Variants in SAMD4A observed in about 807,000 individuals in gnomAD.
SAMD4A encodes the protein protein Smaug homolog 1.
SAMD4A carries 33 observed loss-of-function variants against 81.3 expected under a neutral mutation model. The ratio of observed to expected loss-of-function variants is 0.41; its 90% CI spans 0.31 to 0.54. The LOEUF (loss-of-function observed/expected upper bound fraction) is 0.54, where lower values mean the gene tolerates loss of function less well. SAMD4A is among the 20% of genes least tolerant of loss of function. The probability of loss-of-function intolerance (pLI) is 0.37; values close to 1 mark genes in which losing one functional copy is unlikely to be tolerated. For missense variants in SAMD4A, 854 were observed against 951.1 expected (o/e 0.90, Z 1.34); for synonymous variants, 389 against 382.1 (o/e 1.02, Z -0.21).
At position 54,789,895 on chromosome 14, in the gene SAMD4A, G is replaced by C. The variant is rs1372535733; in HGVS notation, c.*951G>C. On this transcript the variant is annotated 3_prime_UTR_variant, in exon 13 of 13. Transcript: ENST00000554335. ...GTGATCAGTTATGGGTTTGCTCGCA[G>C]GGCACCCAGAGATTCTCAAAGAATC... is the stretch of plus-strand genomic sequence containing the variant. 3.9e-5 allele frequency: 6 copies of C among 152,216 alleles called. No homozygotes were observed. The highest frequency in any genetic ancestry group is 7.2e-5 in the African/African-American group (3 of 41,450). The allele number at this position is 152,216 out of a possible 1,614,324, so 9.4% of individuals were successfully genotyped here.
rs1041126298 is a variant in SAMD4A, at chr14:54,793,271, A to T, written c.*4327A>T. 1.3e-5 allele frequency: 2 copies of T among 152,192 alleles called. No individual in the cohort carries two copies. Among genetic ancestry groups the T allele is most frequent in the African/African-American group, 4.8e-5 (2 of 41,452 alleles). 9.4% of individuals were successfully genotyped at this position (152,192 alleles called of 1,614,324 possible). ...TGGCTATATTTCATATCAACGTTAT[A>T]TTGAAAGTGAAGGGAAATGATTAAT... On this transcript the variant is annotated 3_prime_UTR_variant, in exon 13 of 13. Transcript: ENST00000554335.
At chr14:54,578,750 C>G (rs1338155446) in intron 2 of SAMD4A, among the ~76,000 whole-genome samples, 1 of 152,072 alleles carries the variant, frequency 6.6e-6, no homozygotes, top group East Asian at 1.9e-4. Flanking sequence ...TTCTTGATTT[C>G]CAGTGTATTC....
intron 2 of SAMD4A, among the ~76,000 whole-genome samples, chr14:54,591,254 C>T (rs1412484403): frequency 6.6e-6 from 1 of 152,080 alleles, no homozygotes. Context: ...CAAGGGTATT[C>T]CTAGCCTCTA....
At chr14:54,740,285 C>T (rs189508567) in intron 4 of SAMD4A, among the ~76,000 whole-genome samples, 22 of 152,298 alleles carry the variant, frequency 1.4e-4, no homozygotes, top group Admixed American at 1.4e-3. Context: ...TTTCTATGAC[C>T]CAGGCCCTTT....
At chr14:54,665,979 G>A (rs2035748772) in intron 2 of SAMD4A, among the ~76,000 whole-genome samples, 2 of 152,174 alleles carry the variant, frequency 1.3e-5, no homozygotes, top group Non-Finnish European at 2.9e-5. Flanking sequence ...AAAGCTCAGG[G>A]AGAGTGTTTA....
chr14:54,615,566 A>G (rs1418843950), intron 2 of SAMD4A, among the ~76,000 whole-genome samples: 1 of 152,244 alleles, frequency 6.6e-6, no homozygotes, highest in Non-Finnish European at 1.5e-5. Context: ...GTGGATTGAC[A>G]TAGGTCCCTG....
At chr14:54,578,194 C>T (rs1175972949) in intron 2 of SAMD4A, among the ~76,000 whole-genome samples, 3 of 152,164 alleles carry the variant, frequency 2.0e-5, no homozygotes, top group African/African-American at 7.2e-5. Flanking sequence ...TTCGGAACCA[C>T]CCCACATGCC....
Position 54,630,955 on chromosome 14 carries a change from T to TGA in SAMD4A, c.196+62844_196+62845dup, listed in dbSNP as rs1566557258. ...GTGTGTGTGTGTGTGTGTGTGTGTGTGATGAGAAATCGGCTCACATGTGTA... is the reference window on the plus strand; with the variant it reads ...GTGTGTGTGTGTGTGTGTGTGTGTGTGAGATGAGAAATCGGCTCACATGTGTA... On this transcript the variant is annotated intron_variant, in intron 2 of 12. Coordinates refer to ENST00000554335, the MANE Select transcript of SAMD4A (RefSeq NM_015589.6). Among the ~76,000 whole-genome samples the TGA allele has an allele frequency of 2.9e-3, 385 of 133,882 alleles. 2 individuals carry two copies. The highest frequency in any genetic ancestry group is 0.01 in the African/African-American group (372 of 36,074). The allele number at this position is 133,882 out of a possible 152,430, so 87.8% of individuals were successfully genotyped here.
At chr14:54,733,980 T>C (rs2037626424) in intron 3 of SAMD4A, among the ~76,000 whole-genome samples, 2 of 152,358 alleles carry the variant, frequency 1.3e-5, no homozygotes, top group South Asian at 4.1e-4. Context: ...CACAACTGCA[T>C]GGCCTATTTT....
intron 2 of SAMD4A, chr14:54,687,963 G>A: frequency 1.0e-6 from 1 of 986,102 alleles, no homozygotes; most frequent in Non-Finnish European, 1.2e-6. Flanking sequence ...ATAATACCCA[G>A]CCAGACACTC....
At chr14:54,654,214 A>G (rs1380351206) in intron 2 of SAMD4A, among the ~76,000 whole-genome samples, 1 of 152,164 alleles carries the variant, frequency 6.6e-6, no homozygotes, top group Non-Finnish European at 1.5e-5. Flanking sequence ...CCTTTTAATC[A>G]GGAAACCACA....
chr14:54,572,967 G>A (rs1429124177), intron 2 of SAMD4A, among the ~76,000 whole-genome samples: 11 of 152,108 alleles, frequency 7.2e-5, no homozygotes, highest in Admixed American at 7.2e-4. Context: ...TTTTAGCTTT[G>A]TTTTTTCACT....
chr14:54,592,122 G>A (rs1025471582), intron 2 of SAMD4A, among the ~76,000 whole-genome samples: 4 of 151,988 alleles, frequency 2.6e-5, no homozygotes, highest in Admixed American at 6.5e-5. Flanking sequence ...CGAGGTCATC[G>A]TTTATTCTTC....
chr14:54,610,019 G>A (rs929280724), intron 2 of SAMD4A, among the ~76,000 whole-genome samples: 26 of 152,168 alleles, frequency 1.7e-4, no homozygotes, highest in Admixed American at 1.3e-4. Context: ...TATATATGCC[G>A]TGTTTTTAAC....
At chr14:54,621,779 G>A (rs568850384) in intron 2 of SAMD4A, among the ~76,000 whole-genome samples, 2 of 152,232 alleles carry the variant, frequency 1.3e-5, no homozygotes, top group East Asian at 3.9e-4. Flanking sequence ...GGACATTGAT[G>A]CTTTCTTATG....
intron 4 of SAMD4A, among the ~76,000 whole-genome samples, chr14:54,744,803 C>T (rs1462005368): frequency 1.3e-5 from 2 of 152,206 alleles, no homozygotes; most frequent in African/African-American, 2.4e-5. Flanking sequence ...GAACTACTGA[C>T]AAGGAACCTC....
chr14:54,698,739 T>C (rs1269578746), intron 2 of SAMD4A, among the ~76,000 whole-genome samples: 3 of 152,218 alleles, frequency 2.0e-5, no homozygotes, highest in African/African-American at 7.2e-5. Context: ...CTTGTCTTCC[T>C]GGTCCCACCA....
chr14:54,747,969 T>A (rs1441859961), intron 4 of SAMD4A, among the ~76,000 whole-genome samples: 1 of 152,272 alleles, frequency 6.6e-6, no homozygotes, highest in Non-Finnish European at 1.5e-5. Flanking sequence ...TTCAATGCAG[T>A]TACCCTTTAC....
intron 2 of SAMD4A, among the ~76,000 whole-genome samples, chr14:54,655,122 C>T (rs1345754206): frequency 1.3e-5 from 2 of 152,172 alleles, no homozygotes; most frequent in Non-Finnish European, 2.9e-5. Flanking sequence ...GAAATACTTA[C>T]ACGTCCAAGC....
Sources: gnomAD v4.1 joint callset for allele counts (sites outside exome capture counted in the v4.1 genomes callset) on GRCh38, gnomAD v4.1.1 for gene constraint, MANE v1.5 for transcripts, NCBI Gene and HGNC (gene_info 2026-07-23, HGNC 2026-07-21) for gene names.